LRRC4C: variants seen among roughly 807,000 people sequenced by gnomAD.
LRRC4C encodes leucine-rich repeat-containing protein 4C.
LRRC4C carries 5 observed loss-of-function variants against 33.6 expected under a neutral mutation model. The ratio of observed to expected loss-of-function variants is 0.15; its 90% CI spans 0.08 to 0.31. The LOEUF is 0.31. Among genes scored for constraint, LRRC4C ranks in the 10% least tolerant of loss-of-function variants. The pLI, the probability that LRRC4C is intolerant of heterozygous loss-of-function variation, is 1.00. For missense variants in LRRC4C, 560 were observed against 796.7 expected (o/e 0.70, Z 3.58); for synonymous variants, 329 against 302.0 (o/e 1.09, Z -0.93).
intron 3 of LRRC4C, among the ~76,000 whole-genome samples, chr11:40,432,841 CTATT>C (rs1321799321): frequency 6.6e-6 from 1 of 152,076 alleles, no homozygotes; most frequent in Non-Finnish European, 1.5e-5. Context: ...AATAAAAGTG[CTATT>C]TAGAGAGTTA....
At chr11:40,765,101 A>G (rs562985083) in intron 2 of LRRC4C, among the ~76,000 whole-genome samples, 1 of 152,330 alleles carries the variant, frequency 6.6e-6, no homozygotes, top group South Asian at 2.1e-4. Flanking sequence ...AAAAGGGACC[A>G]GTGACCAGCT....
At chr11:40,545,857 T>C (rs529869467) in intron 3 of LRRC4C, among the ~76,000 whole-genome samples, 4 of 152,078 alleles carry the variant, frequency 2.6e-5, no homozygotes, top group African/African-American at 9.6e-5. Context: ...CACTGGAAAC[T>C]TCATCAGTCA....
intron 1 of LRRC4C, among the ~76,000 whole-genome samples, chr11:41,136,662 T>A (rs752332520): frequency 7.2e-5 from 11 of 152,190 alleles, no homozygotes. Flanking sequence ...GGCTTCTGGC[T>A]TCAGGTGCAC....
chr11:40,574,305 T>C (rs976099312), intron 3 of LRRC4C, among the ~76,000 whole-genome samples: 2 of 152,108 alleles, frequency 1.3e-5, no homozygotes, highest in African/African-American at 4.8e-5. Context: ...GCCAGGACAA[T>C]GAAGTCAGGG....
At chr11:40,934,141 T>C (rs1271335113) in intron 1 of LRRC4C, among the ~76,000 whole-genome samples, 1 of 152,206 alleles carries the variant, frequency 6.6e-6, no homozygotes, top group Non-Finnish European at 1.5e-5. Flanking sequence ...TATACCATTT[T>C]CCTTCTATCT....
intron 2 of LRRC4C, among the ~76,000 whole-genome samples, chr11:40,820,893 G>A (rs1212216570): frequency 2.0e-5 from 3 of 151,620 alleles, no homozygotes; most frequent in Admixed American, 6.6e-5. Context: ...ATAATCTTGT[G>A]TATAGAAAAT....
chr11:40,501,607 T>C (rs1216512507), intron 3 of LRRC4C, among the ~76,000 whole-genome samples: 1 of 152,114 alleles, frequency 6.6e-6, no homozygotes, highest in Non-Finnish European at 1.5e-5. Context: ...GTACCTTGGC[T>C]CTTTTTAGTC....
intron 1 of LRRC4C, among the ~76,000 whole-genome samples, chr11:41,328,787 T>C (rs1291530073): frequency 6.6e-6 from 1 of 152,224 alleles, no homozygotes; most frequent in African/African-American, 2.4e-5. Context: ...CAAATGTTTC[T>C]GAGTACCTCT....
intron 4 of LRRC4C, among the ~76,000 whole-genome samples, chr11:40,270,089 G>T (rs1942577443): frequency 6.6e-6 from 1 of 152,116 alleles, no homozygotes; most frequent in Admixed American, 6.6e-5. Context: ...GATAGTTCAT[G>T]CTTGCTGGTG....
intron 3 of LRRC4C, among the ~76,000 whole-genome samples, chr11:40,333,080 G>A (rs1008847184): frequency 2.0e-5 from 3 of 152,282 alleles, no homozygotes; most frequent in East Asian, 3.9e-4. Context: ...GTATATGTGA[G>A]GTGTTGTGGA....
At chr11:40,998,004 A>G (rs1854104155) in intron 1 of LRRC4C, among the ~76,000 whole-genome samples, 1 of 152,094 alleles carries the variant, frequency 6.6e-6, no homozygotes, top group Non-Finnish European at 1.5e-5. Flanking sequence ...CATTACTCCT[A>G]GCATCGTAGC....
intron 4 of LRRC4C, among the ~76,000 whole-genome samples, chr11:40,319,109 C>T (rs1020935843): frequency 5.3e-5 from 8 of 152,242 alleles, no homozygotes; most frequent in Admixed American, 3.3e-4. Flanking sequence ...ATACTCCTTC[C>T]CCATTTCTAT....
intron 3 of LRRC4C, among the ~76,000 whole-genome samples, chr11:40,366,770 G>A (rs145844543): frequency 3.8e-4 from 58 of 152,124 alleles, no homozygotes; most frequent in Non-Finnish European, 7.4e-4. Flanking sequence ...GACAGAAACA[G>A]CACCCAGAGG....
chr11:40,787,286 G>A (rs1950451697), intron 2 of LRRC4C, among the ~76,000 whole-genome samples: 1 of 152,128 alleles, frequency 6.6e-6, no homozygotes, highest in South Asian at 2.1e-4. Flanking sequence ...GAGGAACAGA[G>A]GGAACAAGGG....
Position 41,156,225 on chromosome 11 carries a change from C to A in LRRC4C, c.-495-222502G>T, listed in dbSNP as rs1022684547. Reference sequence around the variant, plus strand: ...GATAGAAGGGCTCTTGATATTATTACACTGAAAGACAACACAGTTACCCAA... The same window carrying A: ...GATAGAAGGGCTCTTGATATTATTAAACTGAAAGACAACACAGTTACCCAA... On this transcript the variant is annotated intron_variant, in intron 1 of 6. Coordinates refer to ENST00000528697, the MANE Select transcript of LRRC4C (RefSeq NM_001258419.2). 3.9e-5 allele frequency among the ~76,000 whole-genome samples: 6 copies of A among 152,152 alleles called. No individual in the cohort carries two copies. In the East Asian group the frequency reaches 9.7e-4, roughly 25 times the overall value.
At chr11:41,083,986 T>C (rs1305757560) in intron 1 of LRRC4C, among the ~76,000 whole-genome samples, 1 of 152,238 alleles carries the variant, frequency 6.6e-6, no homozygotes, top group Non-Finnish European at 1.5e-5. Flanking sequence ...CTCCTTTGCA[T>C]AGAACTCTCA....
At chr11:41,032,645 T>A (rs963861263) in intron 1 of LRRC4C, among the ~76,000 whole-genome samples, 6 of 151,988 alleles carry the variant, frequency 3.9e-5, no homozygotes, top group Non-Finnish European at 5.9e-5. Context: ...TGAAAATCTG[T>A]AGCCTGTGAA....
At chr11:40,509,514 T>A (rs992890250) in intron 3 of LRRC4C, among the ~76,000 whole-genome samples, 23 of 152,166 alleles carry the variant, frequency 1.5e-4, no homozygotes, top group South Asian at 8.3e-4. Context: ...TTATTTATTT[T>A]TTTTTGCGAA....
chr11:40,162,414 A>T (rs1195008545), intron 5 of LRRC4C, among the ~76,000 whole-genome samples: 1 of 152,154 alleles, frequency 6.6e-6, no homozygotes, highest in African/African-American at 2.4e-5. Flanking sequence ...CTTCCTCTAG[A>T]CCCTGGGTAA....
Sources: allele counts gnomAD v4.1 joint callset (sites outside exome capture counted in the v4.1 genomes callset), GRCh38; gene constraint gnomAD v4.1.1; transcripts MANE v1.5; gene names NCBI Gene and HGNC (gene_info 2026-07-23, HGNC 2026-07-21).